Variants in BTAF1 observed in about 807,000 individuals in gnomAD.
BTAF1 encodes the protein TATA-binding protein-associated factor 172.
A neutral mutation model predicts 227.1 loss-of-function variants in BTAF1; 38 were observed. The observed-to-expected ratio is 0.17, with a 90% CI of 0.13 to 0.22. The LOEUF (loss-of-function observed/expected upper bound fraction) is 0.22, where lower values mean the gene tolerates loss of function less well. Ranked by LOEUF, BTAF1 falls within the 10% of genes least tolerant of loss-of-function variation. BTAF1 has a pLI of 1.00. For missense variants in BTAF1, 1,598 were observed against 2,204.0 expected (o/e 0.73, Z 5.51); for synonymous variants, 742 against 751.9 (o/e 0.99, Z 0.21).
rs1554871296 is a variant in BTAF1 at position 92,028,760 on chromosome 10, T to TTTA, written c.5407-28_5407-27insATT. ...TTTGTGAAGTTAACCTCTCATTTTA[T>TTTA]TTTTTTTTTTTTTGCCAATTTTTCT... is the stretch of plus-strand genomic sequence containing the variant. On this transcript the variant is annotated intron_variant, in intron 37 of 37. Coordinates refer to ENST00000265990, the MANE Select transcript of BTAF1 (RefSeq NM_003972.3). 18 of 543,012 alleles carry TTTA rather than the reference T, an allele frequency of 3.3e-5. 1 individual carries two copies. The South Asian group carries it at 3.6e-4, about 11-fold the overall frequency. 33.6% of individuals were successfully genotyped at this position (543,012 alleles called of 1,614,324 possible).
At chr10:92,024,623 C>T in intron 34 of BTAF1, 133 bp from the exon 35 acceptor site, 2 of 746,418 alleles carry the variant, frequency 2.7e-6, no homozygotes, top group South Asian at 3.8e-5. Flanking sequence ...AGATTGCAGC[C>T]CAAAGTGCTA....
chr10:91,925,516 C>CTTTTTTTTTCTT (rs1554846594), intron 1 of BTAF1, among the ~76,000 whole-genome samples: 1 of 114,600 alleles, frequency 8.7e-6, no homozygotes, highest in East Asian at 3.0e-4. Flanking sequence ...ACGCTAATCT[C>CTTTTTTTTTCTT]TTTTTTTTTT....
chr10:91,970,802 A>G (rs533927983), intron 14 of BTAF1, among the ~76,000 whole-genome samples: 1 of 152,386 alleles, frequency 6.6e-6, no homozygotes, highest in Admixed American at 6.5e-5. Context: ...GAAGACCAGT[A>G]TGTGAGAGAT....
chr10:91,972,424 C>G (rs972798908), intron 14 of BTAF1, among the ~76,000 whole-genome samples: 5 of 152,226 alleles, frequency 3.3e-5, no homozygotes, highest in African/African-American at 1.2e-4. Context: ...GTTTCTTCCT[C>G]TCTGTACCTT....
intron 14 of BTAF1, among the ~76,000 whole-genome samples, chr10:91,978,947 A>G (rs1233933847): frequency 4.6e-5 from 7 of 151,010 alleles, no homozygotes; most frequent in African/African-American, 1.7e-4. Flanking sequence ...AAAGCTTAAT[A>G]ACCAGTAGTT....
intron 13 of BTAF1, among the ~76,000 whole-genome samples, chr10:91,965,437 G>A (rs542955860): frequency 6.6e-6 from 1 of 152,178 alleles, no homozygotes; most frequent in African/African-American, 2.4e-5. Context: ...GAGAATGAAC[G>A]TGCCTGTGTA....
chr10:91,934,939 C>G (rs1436938030), intron 1 of BTAF1, among the ~76,000 whole-genome samples: 3 of 152,116 alleles, frequency 2.0e-5, no homozygotes, highest in African/African-American at 7.2e-5. Flanking sequence ...AATATTCGCT[C>G]CTTTCTTTCA....
At position 92,031,034 on chromosome 10, in the gene BTAF1, G is replaced by C. The variant is rs540091663; in HGVS notation, c.*2101G>C. On this transcript the variant is annotated 3_prime_UTR_variant, in exon 38 of 38. Coordinates refer to ENST00000265990, the MANE Select transcript of BTAF1 (RefSeq NM_003972.3). ...GATTTGGTAGTTTTTTCAATGTATGGGTGTGGGAAGTCAAACAAGCATGAT... is the reference window on the plus strand; with the variant it reads ...GATTTGGTAGTTTTTTCAATGTATGCGTGTGGGAAGTCAAACAAGCATGAT... Among the ~76,000 whole-genome samples, 7 of 152,228 alleles carry C rather than the reference G, an allele frequency of 4.6e-5. No homozygotes were observed. In the East Asian group the frequency reaches 1.3e-3, roughly 29 times the overall value.
intron 1 of BTAF1, chr10:91,935,204 G>A (rs891097880): frequency 1.3e-5 from 2 of 153,496 alleles, no homozygotes; most frequent in East Asian, 1.9e-4. Flanking sequence ...GATCATATTA[G>A]CATATTATTC....
At chr10:91,924,953 A>G (rs989592621) in intron 1 of BTAF1, among the ~76,000 whole-genome samples, 5 of 152,324 alleles carry the variant, frequency 3.3e-5, no homozygotes, top group South Asian at 2.1e-4. Flanking sequence ...TGAGAATTGG[A>G]TTCTTTTACC....
At chr10:91,968,723 T>C (rs1419946152) in intron 14 of BTAF1, among the ~76,000 whole-genome samples, 5 of 152,246 alleles carry the variant, frequency 3.3e-5, no homozygotes, top group Non-Finnish European at 7.3e-5. Context: ...TTTTGGGTTT[T>C]AGCCATTCTT....
At chr10:92,019,914 G>T (rs1383210938) in intron 34 of BTAF1, among the ~76,000 whole-genome samples, 3 of 148,594 alleles carry the variant, frequency 2.0e-5, no homozygotes, top group South Asian at 2.1e-4. Context: ...TTTAATGGGG[G>T]TCTCACTGTG....
intron 35 of BTAF1, among the ~76,000 whole-genome samples, chr10:92,025,704 G>A (rs1851454478): frequency 1.3e-5 from 2 of 151,738 alleles, no homozygotes; most frequent in African/African-American, 4.8e-5. Flanking sequence ...CTACTCTGGA[G>A]GCTGAGGCAG....
chr10:92,016,573 G>C (rs974495860), intron 33 of BTAF1, 108 bp downstream of exon 33: 1 of 928,404 alleles, frequency 1.1e-6, no homozygotes, highest in African/African-American at 1.8e-5. Context: ...CTGCCTCCTG[G>C]GTTCAAGCTA....
Position 92,023,425 on chromosome 10 carries a change from C to T in BTAF1, c.4864-1331C>T, listed in dbSNP as rs532671118. 1.2e-4 allele frequency among the ~76,000 whole-genome samples: 18 copies of T among 152,218 alleles called. No individual in the cohort carries two copies. The South Asian group carries it at 3.7e-3, about 32-fold the overall frequency. On this transcript the variant is annotated intron_variant, in intron 34 of 37. Transcript: ENST00000265990. Reference sequence around the variant, plus strand: ...TAGATTGGCCCGGTACAGTGGCTCACGCCTGTAATCCCAGCACTTTGGGAG... The same window carrying T: ...TAGATTGGCCCGGTACAGTGGCTCATGCCTGTAATCCCAGCACTTTGGGAG...
intron 14 of BTAF1, among the ~76,000 whole-genome samples, chr10:91,970,134 G>A (rs1167858290): frequency 6.6e-6 from 1 of 151,178 alleles, no homozygotes; most frequent in Non-Finnish European, 1.5e-5. Flanking sequence ...ATAAATGAAG[G>A]CTTTGGTACT....
intron 13 of BTAF1, among the ~76,000 whole-genome samples, chr10:91,964,821 A>T (rs183843470): frequency 7.9e-5 from 12 of 152,270 alleles, no homozygotes; most frequent in Non-Finnish European, 1.8e-4. Flanking sequence ...CTGGCCCTTG[A>T]ATATTGTTAG....
chr10:91,981,455 CTTTT>C (rs898360561), intron 15 of BTAF1, among the ~76,000 whole-genome samples, 184 bp from the exon 16 acceptor site: 1 of 150,050 alleles, frequency 6.7e-6, no homozygotes, highest in Non-Finnish European at 1.5e-5. Context: ...CTTTGCATGA[CTTTT>C]TTTTTAGTGC....
rs910413809 is a variant in BTAF1 at position 91,992,224 on chromosome 10, G to A, written c.2960G>A (p.Arg987Gln). Reference protein sequence around the residue: ...QKAAFAITSRRGPTPKAVKAQ... With the variant: ...QKAAFAITSRQGPTPKAVKAQ... ...GCTGCCTTTGCTATCACAAGTAGGC[G>A]AGGTCCTACCCCCAAAGCAGTAAAA... The change falls in exon 21 of 38, where the codon CGA (arginine) becomes CAA (glutamine). Residue 987 changes from arginine to glutamine, a missense_variant. Arg to Gln is a conservative substitution (Grantham distance 43). Around this residue, in one of 10 missense-constraint regions of BTAF1, gnomAD observed 425 missense variants for 491.2 expected, o/e 0.87. Transcript: ENST00000265990. The A allele has an allele frequency of 3.7e-6, 6 of 1,613,792 alleles. No individual in the cohort carries two copies. The highest frequency in any genetic ancestry group is 5.1e-6 in the Non-Finnish European group (6 of 1,179,966).
Sources: allele counts gnomAD v4.1 joint callset (sites outside exome capture counted in the v4.1 genomes callset), GRCh38; gene constraint gnomAD v4.1.1; regional missense constraint gnomAD v4.1.1; transcripts MANE v1.5; gene names NCBI Gene and HGNC (gene_info 2026-07-23, HGNC 2026-07-21).